The following LNPEP variants were observed in gnomAD, a reference collection of about 807,000 sequenced individuals.
The protein encoded by LNPEP is leucyl-cystinyl aminopeptidase.
Under a neutral mutation model 120.6 loss-of-function variants are expected in LNPEP, and 64 were observed. The observed-to-expected ratio is 0.53, with a 90% CI of 0.43 to 0.65. The LOEUF (loss-of-function observed/expected upper bound fraction) is 0.65. Ranked by LOEUF, LNPEP falls within the 30% of genes least tolerant of loss-of-function variation. The pLI is 0.00. For synonymous variants in LNPEP, 435 were observed against 425.4 expected, an observed-to-expected ratio of 1.02 and a Z score of -0.28; for missense variants, 1,057 against 1,200.0, an observed-to-expected ratio of 0.88 and a Z score of 1.76.
intron 1 of LNPEP, among the ~76,000 whole-genome samples, chr5:96,943,625 C>G (rs1034545711): frequency 6.6e-6 from 1 of 152,166 alleles, no homozygotes; most frequent in Non-Finnish European, 1.5e-5. Context: ...CTTTGCTTCA[C>G]TTTTCTACTG....
intron 1 of LNPEP, among the ~76,000 whole-genome samples, chr5:96,951,555 G>A (rs1380325738): frequency 2.0e-5 from 3 of 152,072 alleles, no homozygotes; most frequent in Non-Finnish European, 2.9e-5. Context: ...ACCGCACCTG[G>A]CGGGGGGTTA....
In LNPEP at chr5:97,030,746, A is replaced by G. The variant is rs976196426; in HGVS notation, c.*2213A>G. On this transcript the variant is annotated 3_prime_UTR_variant, in exon 18 of 18. Coordinates refer to ENST00000231368, the MANE Select transcript of LNPEP (RefSeq NM_005575.3). ...AAGAGATAACTCATGATCCATTGCT[A>G]TCTTTATTACTCAAAGGCTGTTCAT... The G allele has an allele frequency of 4.0e-5, 6 of 151,388 alleles. No homozygotes were observed. Among genetic ancestry groups the G allele is most frequent in the African/African-American group, 9.7e-5 (4 of 41,124 alleles). 9.4% of individuals were successfully genotyped at this position (151,388 alleles called of 1,614,324 possible). A position where few individuals can be genotyped will look rare whatever the true frequency, so the allele number is the denominator to read the frequency against.
At chr5:97,000,315 A>G (rs1193926314) in intron 8 of LNPEP, among the ~76,000 whole-genome samples, 1 of 152,166 alleles carries the variant, frequency 6.6e-6, no homozygotes, top group Non-Finnish European at 1.5e-5. Context: ...AGAAGAAATA[A>G]CCAATGTATA....
At chr5:96,974,856 C>T (rs576519504) in intron 1 of LNPEP, among the ~76,000 whole-genome samples, 18 of 152,214 alleles carry the variant, frequency 1.2e-4, no homozygotes, top group African/African-American at 4.3e-4. Flanking sequence ...GATGCCACTC[C>T]TGATTTTCCT....
intron 11 of LNPEP, among the ~76,000 whole-genome samples, 179 bp from the exon 12 acceptor site, chr5:97,013,469 T>C (rs574048244): frequency 6.6e-6 from 1 of 152,332 alleles, no homozygotes; most frequent in Admixed American, 6.5e-5. Context: ...AAATAAATAA[T>C]TGTTAAATGA....
At chr5:96,971,261 A>G (rs1218861629) in intron 1 of LNPEP, among the ~76,000 whole-genome samples, 1 of 150,780 alleles carries the variant, frequency 6.6e-6, no homozygotes, top group Non-Finnish European at 1.5e-5. Flanking sequence ...TGTATGTAGC[A>G]TTGTTTCCAG....
At chr5:97,005,921 T>C (rs1790769193) in intron 9 of LNPEP, 152 bp from the exon 10 acceptor site, 1 of 214,308 alleles carries the variant, frequency 4.7e-6, no homozygotes, top group Admixed American at 6.0e-5. Flanking sequence ...AAACTCAACA[T>C]TCATGTTTCT....
rs1790078101 is a variant in LNPEP at position 96,979,630 on chromosome 5, C to T, written c.512C>T (p.Ala171Val). 1.9e-6 allele frequency: 3 copies of T among 1,614,106 alleles called. No homozygotes were observed. The highest frequency in any genetic ancestry group is 2.5e-6 in the Non-Finnish European group (3 of 1,179,974). Residue 171 changes from alanine to valine, a missense_variant, in exon 2 of 18, where the codon GCC becomes GTC. Transcript: ENST00000231368. ...TGGGCACAGATCAGGCTTCCCACTG[C>T]CGTTGTGCCACTACGCTATGAACTC... ...FPWAQIRLPT[A>V]VVPLRYELSL...
intron 4 of LNPEP, among the ~76,000 whole-genome samples, chr5:96,988,514 A>AT (rs948265372): frequency 4.6e-5 from 7 of 150,744 alleles, no homozygotes; most frequent in African/African-American, 7.3e-5. Context: ...AATTTTTTGT[A>AT]TTTTTGGTAG....
At chr5:97,012,387 T>C (rs1278061683) in intron 11 of LNPEP, among the ~76,000 whole-genome samples, 1 of 152,230 alleles carries the variant, frequency 6.6e-6, no homozygotes, top group Non-Finnish European at 1.5e-5. Flanking sequence ...TTTTTTTAAG[T>C]ATTTGTTACT....
At chr5:96,991,791 TC>T (rs1554068810) in intron 4 of LNPEP, among the ~76,000 whole-genome samples, 1 of 152,192 alleles carries the variant, frequency 6.6e-6, no homozygotes, top group Non-Finnish European at 1.5e-5. Flanking sequence ...GAATAAGATG[TC>T]CTTTCCCCAC....
chr5:96,936,934 T>A (rs1392449297), intron 1 of LNPEP: 3 of 152,268 alleles, frequency 2.0e-5, no homozygotes, highest in African/African-American at 4.8e-5. Context: ...AGCCCTTCAC[T>A]GAACGGGGAG....
At chr5:97,023,976 C>G (rs1222853255) in intron 14 of LNPEP, among the ~76,000 whole-genome samples, 2 of 151,996 alleles carry the variant, frequency 1.3e-5, no homozygotes, top group African/African-American at 2.4e-5. Context: ...AACAGAAAAG[C>G]TTTTGGGGGT....
intron 1 of LNPEP, among the ~76,000 whole-genome samples, chr5:96,944,792 G>A (rs531024313): frequency 5.5e-4 from 84 of 151,874 alleles, no homozygotes; most frequent in Middle Eastern, 3.4e-3. Context: ...GGGTGGTCTT[G>A]AACTCCTGGC....
In LNPEP at chr5:96,939,306, C is replaced by T. The variant is rs538921610; in HGVS notation, c.19+3132C>T. On this transcript the variant is annotated intron_variant, in intron 1 of 17. Transcript: ENST00000231368. ...TCAGCTCACTGCAACCTCTGCCTCC[C>T]GGGTTCAAGTGATCCTCCTGCCTCA... Among the ~76,000 whole-genome samples the T allele has an allele frequency of 5.9e-5, 9 of 151,720 alleles. No individual in the cohort carries two copies. In the East Asian group the frequency reaches 9.7e-4, roughly 16 times the overall value.
At chr5:97,006,567 G>A (rs766085661) in intron 11 of LNPEP, 52 bp downstream of exon 11, 2 of 955,426 alleles carry the variant, frequency 2.1e-6, no homozygotes, top group Admixed American at 3.6e-5. Flanking sequence ...TTAAAAATCT[G>A]ATCAGAGTGC....
chr5:96,939,898 C>T (rs1789012936), intron 1 of LNPEP, among the ~76,000 whole-genome samples: 1 of 152,106 alleles, frequency 6.6e-6, no homozygotes. Context: ...AGCATCACTT[C>T]TCAAAAATGT....
intron 2 of LNPEP, among the ~76,000 whole-genome samples, chr5:96,983,692 C>G (rs1255007475): frequency 6.6e-6 from 1 of 152,140 alleles, no homozygotes; most frequent in East Asian, 1.9e-4. Context: ...AGTGATCCGC[C>G]CACCTTGGCC....
chr5:96,958,277 G>C (rs1789517175), intron 1 of LNPEP, among the ~76,000 whole-genome samples: 1 of 152,164 alleles, frequency 6.6e-6, no homozygotes, highest in Non-Finnish European at 1.5e-5. Flanking sequence ...CAGTCTTTTA[G>C]AGTTGTCTCC....
Sources: gnomAD v4.1 joint callset for allele counts (sites outside exome capture counted in the v4.1 genomes callset) on GRCh38, gnomAD v4.1.1 for gene constraint, MANE v1.5 for transcripts, NCBI Gene and HGNC (gene_info 2026-07-23, HGNC 2026-07-21) for gene names.